The following TENM3 variants were observed in gnomAD, a reference collection of about 807,000 sequenced individuals.
The protein encoded by TENM3 is teneurin transmembrane protein 3.
In TENM3, 63 loss-of-function variants were observed where a neutral mutation model predicts 255.1. The ratio of observed to expected loss-of-function variants is 0.25; its 90% CI spans 0.20 to 0.30. The LOEUF is 0.30. Ranked by LOEUF, TENM3 falls within the 10% of genes least tolerant of loss-of-function variation. The pLI, the probability that TENM3 is intolerant of heterozygous loss-of-function variation, is 1.00. For missense variants in TENM3, 2,929 were observed against 3,461.1 expected, an observed-to-expected ratio of 0.85 and a Z score of 3.86; for synonymous variants, 1,306 against 1,322.3, an observed-to-expected ratio of 0.99 and a Z score of 0.27.
the TENM3 span, among the ~76,000 whole-genome samples, chr4:181,504,099 G>A: frequency 1.3e-5 from 2 of 152,148 alleles, no homozygotes; most frequent in Admixed American, 6.5e-5. Flanking sequence ...CTTGAGCAGG[G>A]GGCTGGGAGT....
the TENM3 span, among the ~76,000 whole-genome samples, chr4:181,660,738 A>G: frequency 6.6e-6 from 1 of 152,204 alleles, no homozygotes; most frequent in South Asian, 2.1e-4. Flanking sequence ...CATCTGCTTA[A>G]TGCCTCTTAC....
intron 5 of TENM3, among the ~76,000 whole-genome samples, chr4:182,648,975 C>G (rs936691817): frequency 6.6e-6 from 1 of 152,166 alleles, no homozygotes; most frequent in African/African-American, 2.4e-5. Context: ...CATTCTACTG[C>G]TGGCAGATGT....
At position 182,765,387 on chromosome 4, in the gene TENM3, C is replaced by A. The variant is rs112141529; in HGVS notation, c.4893-8085C>A. On this transcript the variant is annotated intron_variant, in intron 22 of 27. Transcript: ENST00000511685. Reference sequence around the variant, plus strand: ...CTTTCTCCTACTGGATACTCTATCCCTAATTTTTTGAAATCTTCAAATCTG... The same window carrying A: ...CTTTCTCCTACTGGATACTCTATCCATAATTTTTTGAAATCTTCAAATCTG... Among the ~76,000 whole-genome samples the A allele has an allele frequency of 3.2e-3, 489 of 152,228 alleles. 1 individual carries two copies. Among genetic ancestry groups the A allele is most frequent in the African/African-American group, 0.011 (449 of 41,498 alleles).
chr4:182,283,505 C>T (rs1033291391), intron 1 of TENM3, among the ~76,000 whole-genome samples: 12 of 152,104 alleles, frequency 7.9e-5, no homozygotes, highest in African/African-American at 2.4e-4. Flanking sequence ...TCAGGCCATC[C>T]GACTCCACGG....
At chr4:182,155,791 T>G (rs1269290478) in intron 1 of TENM3, among the ~76,000 whole-genome samples, 1 of 152,128 alleles carries the variant, frequency 6.6e-6, no homozygotes, top group African/African-American at 2.4e-5. Flanking sequence ...CTTAAATCAT[T>G]GTCTGATCGA....
intron 24 of TENM3, among the ~76,000 whole-genome samples, chr4:182,788,465 G>A (rs1018112987): frequency 2.6e-5 from 4 of 152,150 alleles, no homozygotes; most frequent in Admixed American, 6.5e-5. Flanking sequence ...TACAATATTC[G>A]GATCATGTGT....
At chr4:182,311,748 C>G (rs1030515267) in intron 1 of TENM3, among the ~76,000 whole-genome samples, 6 of 152,128 alleles carry the variant, frequency 3.9e-5, no homozygotes, top group African/African-American at 1.4e-4. Flanking sequence ...GCTTTTATGT[C>G]CACTCTGAAA....
At chr4:182,569,571 AAAAG>A (rs755985681) in intron 3 of TENM3, among the ~76,000 whole-genome samples, 103 of 152,174 alleles carry the variant, frequency 6.8e-4, no homozygotes, top group African/African-American at 9.6e-4. Context: ...GAAAAAAAAA[AAAAG>A]AAAGAAAGGA....
At chr4:181,865,365 CCTTT>C in the TENM3 span, among the ~76,000 whole-genome samples, 2 of 152,120 alleles carry the variant, frequency 1.3e-5, no homozygotes, top group Non-Finnish European at 2.9e-5. Context: ...TTTTTTCTCT[CCTTT>C]CTTCTTTTTC....
the TENM3 span, among the ~76,000 whole-genome samples, chr4:181,627,980 A>G: frequency 6.6e-6 from 1 of 152,162 alleles, no homozygotes; most frequent in African/African-American, 2.4e-5. Context: ...CTATTTCTCC[A>G]CATCCTCTCC....
intron 27 of TENM3, among the ~76,000 whole-genome samples, chr4:182,798,928 C>T (rs1327139482): frequency 6.6e-6 from 1 of 152,124 alleles, no homozygotes; most frequent in Admixed American, 6.5e-5. Context: ...TTAAGATGCC[C>T]CCAATTTAAA....
At chr4:182,038,263 G>C in the TENM3 span, among the ~76,000 whole-genome samples, 1 of 151,716 alleles carries the variant, frequency 6.6e-6, no homozygotes, top group Non-Finnish European at 1.5e-5. Context: ...TTCTGTTCCT[G>C]GTCTAAAAAG....
chr4:182,356,980 T>C (rs1313782006), intron 3 of TENM3, among the ~76,000 whole-genome samples: 1 of 151,780 alleles, frequency 6.6e-6, no homozygotes, highest in East Asian at 1.9e-4. Flanking sequence ...TGGTTTTTTG[T>C]TCTTGCAATA....
chr4:182,710,124 G>C (rs1701267825), intron 12 of TENM3, among the ~76,000 whole-genome samples: 2 of 152,204 alleles, frequency 1.3e-5, no homozygotes, highest in Admixed American at 1.3e-4. Flanking sequence ...GGTTGTGCAG[G>C]CCTAACGTAA....
chr4:181,632,379 A>T, the TENM3 span, among the ~76,000 whole-genome samples: 1 of 152,120 alleles, frequency 6.6e-6, no homozygotes, highest in Non-Finnish European at 1.5e-5. Flanking sequence ...TTCCAGATGA[A>T]ATGTGGGTGG....
chr4:182,542,794 CTTTA>C (rs1397906248), intron 3 of TENM3, among the ~76,000 whole-genome samples: 6 of 152,192 alleles, frequency 3.9e-5, no homozygotes, highest in Non-Finnish European at 8.8e-5. Flanking sequence ...ATTTTTTATC[CTTTA>C]TTTAATGTTA....
the TENM3 span, among the ~76,000 whole-genome samples, chr4:181,618,332 G>C: frequency 6.6e-6 from 1 of 152,150 alleles, no homozygotes; most frequent in African/African-American, 2.4e-5. Context: ...TTCATTCAGG[G>C]AAAGCAGCAA....
At chr4:182,484,575 GCCTA>G (rs1171830180) in intron 3 of TENM3, among the ~76,000 whole-genome samples, 7 of 152,118 alleles carry the variant, frequency 4.6e-5, no homozygotes, top group African/African-American at 1.7e-4. Flanking sequence ...ATGATTGTGT[GCCTA>G]CCTATGAGAA....
intron 1 of TENM3, among the ~76,000 whole-genome samples, chr4:182,222,844 T>G (rs1364408317): frequency 2.0e-5 from 3 of 152,186 alleles, no homozygotes; most frequent in Non-Finnish European, 4.4e-5. Context: ...AAACATGAAT[T>G]TGAGTTTGCT....
Sources: gnomAD v4.1 joint callset for allele counts (sites outside exome capture counted in the v4.1 genomes callset) on GRCh38, gnomAD v4.1.1 for gene constraint, MANE v1.5 for transcripts, NCBI Gene and HGNC (gene_info 2026-07-23, HGNC 2026-07-21) for gene names.